Variants in METTL8 observed in about 807,000 individuals in gnomAD.
The protein encoded by METTL8 is tRNA N(3)-cytidine methyltransferase METTL8, mitochondrial.
Under a neutral mutation model 48.7 loss-of-function variants are expected in METTL8, and 32 were observed. The observed-to-expected ratio is 0.66, with a 90% confidence interval of 0.50 to 0.88. The LOEUF is 0.88. Ranked by LOEUF, METTL8 falls within the 40% of genes least tolerant of loss-of-function variation. The pLI is 0.00. For synonymous variants in METTL8, 136 were observed against 157.1 expected (o/e 0.87, Z 1.01); for missense variants, 464 against 474.4 (o/e 0.98, Z 0.20).
At chr2:171,355,536 C>A (rs1260343303) in intron 3 of METTL8, among the ~76,000 whole-genome samples, 1 of 152,192 alleles carries the variant, frequency 6.6e-6, no homozygotes, top group Non-Finnish European at 1.5e-5. Flanking sequence ...CTTCTGCTTC[C>A]TTTTGTTCAG....
At chr2:171,410,677 C>T (rs1690657644) in intron 1 of METTL8, among the ~76,000 whole-genome samples, 2 of 152,184 alleles carry the variant, frequency 1.3e-5, no homozygotes. Flanking sequence ...TTTTCATATC[C>T]TCAATGATGG....
intron 2 of METTL8, among the ~76,000 whole-genome samples, chr2:171,388,440 G>C (rs573343367): frequency 6.6e-6 from 1 of 152,006 alleles, no homozygotes; most frequent in Non-Finnish European, 1.5e-5. Context: ...CAATCTCCTA[G>C]AAAAGCCTTT....
intron 5 of METTL8, among the ~76,000 whole-genome samples, chr2:171,335,379 A>G (rs895082510): frequency 2.6e-5 from 4 of 152,188 alleles, no homozygotes; most frequent in East Asian, 1.9e-4. Context: ...GGTGTTAGGC[A>G]TATGGAAATT....
At chr2:171,360,567 A>C (rs1685058093) in intron 2 of METTL8, 54 bp from the exon 3 acceptor site, 9 of 1,480,236 alleles carry the variant, frequency 6.1e-6, no homozygotes, top group Non-Finnish European at 8.4e-6. Context: ...GAAGGCAGAA[A>C]AAAGGTGACA....
At chr2:171,399,165 G>A (rs1431912883) in intron 1 of METTL8, among the ~76,000 whole-genome samples, 1 of 152,090 alleles carries the variant, frequency 6.6e-6, no homozygotes, top group East Asian at 1.9e-4. Context: ...AGACTTTAGG[G>A]CCATGCCCCT....
intron 1 of METTL8, among the ~76,000 whole-genome samples, chr2:171,431,197 G>C (rs778004802): frequency 6.6e-6 from 1 of 152,192 alleles, no homozygotes; most frequent in Admixed American, 6.5e-5. Flanking sequence ...ATTTGCACAG[G>C]GGGCTTGCCT....
intron 1 of METTL8, among the ~76,000 whole-genome samples, chr2:171,419,598 T>C (rs2105650833): frequency 1.3e-5 from 2 of 152,330 alleles, no homozygotes; most frequent in Middle Eastern, 3.4e-3. Context: ...ACAGTTCCCA[T>C]TGCCTTTAGT....
At chr2:171,337,759 A>G (rs1284625432) in intron 4 of METTL8, among the ~76,000 whole-genome samples, 5 of 152,070 alleles carry the variant, frequency 3.3e-5, no homozygotes, top group African/African-American at 1.2e-4. Flanking sequence ...CTGTGAAGAA[A>G]ACTGCAATGA....
intron 7 of METTL8, among the ~76,000 whole-genome samples, 192 bp downstream of exon 7, chr2:171,330,367 G>A (rs2105395743): frequency 6.6e-6 from 1 of 152,316 alleles, no homozygotes; most frequent in Non-Finnish European, 1.5e-5. Flanking sequence ...GCTCATTAAT[G>A]AAGTAGTCTG....
chr2:171,407,871 A>G (rs1051179607), intron 1 of METTL8, among the ~76,000 whole-genome samples: 1 of 152,238 alleles, frequency 6.6e-6, no homozygotes, highest in Non-Finnish European at 1.5e-5. Flanking sequence ...TATACAGCAC[A>G]CTGTAAAAAG....
intron 1 of METTL8, among the ~76,000 whole-genome samples, chr2:171,433,444 G>C (rs566626735): frequency 8.5e-5 from 13 of 152,326 alleles, no homozygotes; most frequent in Admixed American, 8.5e-4. Flanking sequence ...CCAAGTCCAC[G>C]TGGGAGATAC....
At chr2:171,404,769 G>T (rs1690011733) in intron 1 of METTL8, among the ~76,000 whole-genome samples, 3 of 152,238 alleles carry the variant, frequency 2.0e-5, no homozygotes, top group African/African-American at 7.2e-5. Flanking sequence ...GGCATGTGTA[G>T]CATTTAAAAT....
intron 3 of METTL8, among the ~76,000 whole-genome samples, chr2:171,346,217 TGGGGTCTGACTG>T (rs1687250760): frequency 6.6e-6 from 1 of 152,082 alleles, no homozygotes; most frequent in Admixed American, 6.6e-5. Flanking sequence ...TTTGTAGAGA[TGGGGTCTGACTG>T]TTGCTCAGGC....
At chr2:171,332,916 C>T (rs1428857005) in intron 5 of METTL8, 1 of 151,834 alleles carries the variant, frequency 6.6e-6, no homozygotes, top group Non-Finnish European at 1.5e-5. Flanking sequence ...CCTGAGAGCC[C>T]AAACTGGTAT....
intron 1 of METTL8, among the ~76,000 whole-genome samples, chr2:171,428,917 T>C (rs770332169): frequency 6.6e-6 from 1 of 152,092 alleles, no homozygotes; most frequent in Non-Finnish European, 1.5e-5. Context: ...ACATGAGGGA[T>C]GGCCAAAGAG....
intron 3 of METTL8, among the ~76,000 whole-genome samples, chr2:171,349,449 A>G (rs934953512): frequency 3.9e-5 from 6 of 152,204 alleles, no homozygotes; most frequent in Non-Finnish European, 8.8e-5. Flanking sequence ...TTCACTTAGC[A>G]TCACGTCCTC....
chr2:171,397,979 A>T (rs543533481), intron 1 of METTL8, among the ~76,000 whole-genome samples: 1 of 152,318 alleles, frequency 6.6e-6, no homozygotes, highest in South Asian at 2.1e-4. Context: ...AACAACCCAG[A>T]ATATAACAAG....
At chr2:171,399,596 C>G (rs1689447211) in intron 1 of METTL8, among the ~76,000 whole-genome samples, 1 of 152,106 alleles carries the variant, frequency 6.6e-6, no homozygotes, top group South Asian at 2.1e-4. Context: ...CAAATTTTGG[C>G]TAGATGCTTT....
intron 2 of METTL8, among the ~76,000 whole-genome samples, chr2:171,389,246 G>A (rs936583878): frequency 2.0e-5 from 3 of 152,112 alleles, no homozygotes; most frequent in African/African-American, 7.2e-5. Context: ...CAGGTTGAGT[G>A]CTATGGCTCA....
Sources: gnomAD v4.1 joint callset for allele counts (sites outside exome capture counted in the v4.1 genomes callset) on GRCh38, gnomAD v4.1.1 for gene constraint, MANE v1.5 for transcripts, NCBI Gene and HGNC (gene_info 2026-07-23, HGNC 2026-07-21) for gene names.